Variants in FOXP1 observed in about 807,000 individuals in gnomAD.
FOXP1 encodes the protein forkhead box P1.
In FOXP1, 15 loss-of-function variants were observed where a neutral mutation model predicts 98.2. That is an observed-to-expected ratio of 0.15 (90% CI 0.10 to 0.24). The LOEUF is 0.24. FOXP1 is among the 10% of genes least tolerant of loss of function. FOXP1 has a pLI of 1.00. For synonymous variants in FOXP1, 371 were observed against 314.5 expected, an observed-to-expected ratio of 1.18 and a Z score of -1.90; for missense variants, 633 against 848.5, an observed-to-expected ratio of 0.75 and a Z score of 3.15.
At chr3:71,003,112 C>T (rs1339287574) in intron 12 of FOXP1, among the ~76,000 whole-genome samples, 2 of 152,218 alleles carry the variant, frequency 1.3e-5, no homozygotes, top group Non-Finnish European at 2.9e-5. Context: ...CTGGGCATCA[C>T]TGCCCTCAAG....
chr3:71,023,409 G>T (rs2045693311), intron 11 of FOXP1, among the ~76,000 whole-genome samples: 2 of 152,126 alleles, frequency 1.3e-5, no homozygotes, highest in African/African-American at 4.8e-5. Flanking sequence ...CAGACACCTT[G>T]GGTTTCTAGA....
chr3:71,203,832 CATCCGAAAAGAAAA>C (rs1455407884), intron 5 of FOXP1, among the ~76,000 whole-genome samples: 2 of 152,076 alleles, frequency 1.3e-5, no homozygotes, highest in East Asian at 3.8e-4. Flanking sequence ...GTCCACCCCC[CATCCGAAAAGAAAA>C]ATTCTCTTTC....
chr3:71,165,654 GA>G (rs1439412529), intron 6 of FOXP1, among the ~76,000 whole-genome samples: 2 of 152,160 alleles, frequency 1.3e-5, no homozygotes, highest in Non-Finnish European at 1.5e-5. Flanking sequence ...GTGGTCCATG[GA>G]GGCAAACTAG....
chr3:71,231,689 G>A (rs2066300168), intron 5 of FOXP1, among the ~76,000 whole-genome samples: 1 of 152,190 alleles, frequency 6.6e-6, no homozygotes, highest in African/African-American at 2.4e-5. Flanking sequence ...GGAAATATAA[G>A]TTAAAATAAC....
intron 20 of FOXP1, among the ~76,000 whole-genome samples, chr3:70,964,036 ACT>A (rs1157505099): frequency 6.6e-6 from 1 of 152,170 alleles, no homozygotes; most frequent in Non-Finnish European, 1.5e-5. Flanking sequence ...AAGAATGGAA[ACT>A]CTTGTCACTA....
intron 7 of FOXP1, among the ~76,000 whole-genome samples, chr3:71,090,427 TG>T (rs1245506141): frequency 6.6e-6 from 1 of 152,182 alleles, no homozygotes; most frequent in Non-Finnish European, 1.5e-5. Flanking sequence ...GAACCACCCT[TG>T]GGGGGAAAAA....
In FOXP1 at chr3:71,046,930, A is replaced by G; in HGVS notation, c.664+12T>C. ...TTCACAGAGCTATGCCTTCTGTAAA[A>G]TCAACGCATACCTTGAGCAAGAGGT... On this transcript the variant is annotated intron_variant, in intron 10 of 20. Transcript: ENST00000649528. 2 of 1,613,976 alleles carry G rather than the reference A, an allele frequency of 1.2e-6. No homozygotes were observed. The highest frequency in any genetic ancestry group is 1.7e-6 in the Non-Finnish European group (2 of 1,179,908).
chr3:71,283,148 A>T (rs2071741976), intron 5 of FOXP1, among the ~76,000 whole-genome samples: 1 of 152,064 alleles, frequency 6.6e-6, no homozygotes, highest in African/African-American at 2.4e-5. Context: ...AGGGAGAGGA[A>T]GTGCACTTTC....
intron 6 of FOXP1, among the ~76,000 whole-genome samples, chr3:71,168,825 G>T (rs548349665): frequency 1.3e-5 from 2 of 152,262 alleles, no homozygotes; most frequent in South Asian, 4.1e-4. Flanking sequence ...TACTTCTATA[G>T]AACCAAGGGG....
chr3:71,473,578 C>G (rs189857758), intron 3 of FOXP1, among the ~76,000 whole-genome samples: 167 of 152,244 alleles, frequency 1.1e-3, no homozygotes, highest in African/African-American at 3.8e-3. Context: ...AATGAAATGG[C>G]AGAGTCATAG....
intron 5 of FOXP1, among the ~76,000 whole-genome samples, chr3:71,219,674 A>T (rs978075175): frequency 1.8e-4 from 28 of 152,260 alleles, no homozygotes; most frequent in Non-Finnish European, 3.5e-4. Flanking sequence ...ACAAGCTGAA[A>T]TTATATTTTG....
intron 11 of FOXP1, 111 bp from the exon 12 acceptor site, chr3:71,015,764 C>A (rs1046979443): frequency 2.9e-6 from 2 of 692,318 alleles, no homozygotes; most frequent in African/African-American, 3.6e-5. Context: ...GTGGACAAGA[C>A]AAATCTGTGA....
intron 4 of FOXP1, among the ~76,000 whole-genome samples, chr3:71,348,533 G>GCA (rs1445501503): frequency 1.1e-5 from 1 of 93,734 alleles, no homozygotes. Flanking sequence ...GTGTGTGTGT[G>GCA]TGTGTGTGTG....
At chr3:71,007,956 C>T (rs1325423885) in intron 12 of FOXP1, among the ~76,000 whole-genome samples, 2 of 152,130 alleles carry the variant, frequency 1.3e-5, no homozygotes, top group Non-Finnish European at 2.9e-5. Flanking sequence ...AAATTACATA[C>T]ATCTAACAAG....
chr3:71,581,659 C>A lies in FOXP1; in HGVS notation c.-408G>T, dbSNP rs2048179532. On this transcript the variant is annotated 5_prime_UTR_variant, in exon 2 of 21. Transcript: ENST00000649528. ...CCGCTGCCCCCGGCCCGCTCGCTCG[C>A]TCGCCGCGCGCTCTCTTCCTCTTAC... 2 of 985,918 alleles carry A rather than the reference C, an allele frequency of 2.0e-6. No individual in the cohort carries two copies. Among genetic ancestry groups the A allele is most frequent in the Non-Finnish European group, 2.4e-6 (2 of 830,102 alleles). 61.1% of individuals were successfully genotyped at this position (985,918 alleles called of 1,614,324 possible). A position where few individuals can be genotyped will look rare whatever the true frequency, so the allele number is the denominator to read the frequency against.
At chr3:71,262,879 T>C (rs1427484939) in intron 5 of FOXP1, among the ~76,000 whole-genome samples, 2 of 152,218 alleles carry the variant, frequency 1.3e-5, no homozygotes, top group Non-Finnish European at 2.9e-5. Context: ...CCGGTAGATC[T>C]TGAGCCGTTG....
At chr3:71,577,299 T>C (rs566556974) in intron 2 of FOXP1, among the ~76,000 whole-genome samples, 1 of 152,182 alleles carries the variant, frequency 6.6e-6, no homozygotes, top group South Asian at 2.1e-4. Context: ...ACATTATCTA[T>C]GGGATGCAAA....
At chr3:71,557,157 T>C (rs1378330805) in intron 2 of FOXP1, among the ~76,000 whole-genome samples, 1 of 152,182 alleles carries the variant, frequency 6.6e-6, no homozygotes, top group Non-Finnish European at 1.5e-5. Context: ...ACTAGGAATT[T>C]TACAGCATCA....
At position 71,418,350 on chromosome 3, in the gene FOXP1, C is replaced by A. The variant is rs150597810; in HGVS notation, c.-167-59106G>T. ...GAACCTTTACAAGGCTGTGACAGGG[C>A]GACCACAGAAAGGCCATTTGCATAT... On this transcript the variant is annotated intron_variant, in intron 3 of 20. Transcript: ENST00000649528. Among the ~76,000 whole-genome samples the A allele has an allele frequency of 3.9e-5, 6 of 152,180 alleles. No individual in the cohort carries two copies. In the East Asian group the frequency reaches 5.8e-4, roughly 15 times the overall value.
Sources: gnomAD v4.1 joint callset for allele counts (sites outside exome capture counted in the v4.1 genomes callset) on GRCh38, gnomAD v4.1.1 for gene constraint, MANE v1.5 for transcripts, NCBI Gene and HGNC (gene_info 2026-07-23, HGNC 2026-07-21) for gene names.